Variants in ZBTB7C observed in about 807,000 individuals in gnomAD.
The protein encoded by ZBTB7C is zinc finger and BTB domain-containing protein 7C.
ZBTB7C carries 8 observed loss-of-function variants against 25.7 expected under a neutral mutation model. The ratio of observed to expected loss-of-function variants is 0.31; its 90% CI spans 0.18 to 0.56. ZBTB7C has a LOEUF of 0.56. Among genes scored for constraint, ZBTB7C ranks in the 20% least tolerant of loss-of-function variants. The pLI is 0.91. For synonymous variants in ZBTB7C, 394 were observed against 369.0 expected (o/e 1.07, Z -0.78); for missense variants, 824 against 855.2 (o/e 0.96, Z 0.46).
At position 48,027,365 on chromosome 18, in the gene ZBTB7C, T is replaced by G. The variant is rs2035558307; in HGVS notation, c.*1895A>C. 1 of 151,700 alleles carries G rather than the reference T, an allele frequency of 6.6e-6. No individual in the cohort carries two copies. The highest frequency in any genetic ancestry group is 2.4e-5 in the African/African-American group (1 of 41,300). 9.4% of individuals were successfully genotyped at this position (151,700 alleles called of 1,614,324 possible). A position where few individuals can be genotyped will look rare whatever the true frequency, so the allele number is the denominator to read the frequency against. Reference sequence around the variant, plus strand: ...ATTCCAATTTATTCATGTTTCCTTTTTTTTTTTTTTTCCTCTCTTTTAAAG... The same window carrying G: ...ATTCCAATTTATTCATGTTTCCTTTGTTTTTTTTTTTCCTCTCTTTTAAAG... On this transcript the variant is annotated 3_prime_UTR_variant, in exon 5 of 5. Coordinates refer to ENST00000590800, the MANE Select transcript of ZBTB7C (RefSeq NM_001318841.2).
chr18:48,211,736 G>C (rs1035580863), intron 2 of ZBTB7C, among the ~76,000 whole-genome samples: 1 of 152,126 alleles, frequency 6.6e-6, no homozygotes, highest in Non-Finnish European at 1.5e-5. Context: ...ATTCATTGTT[G>C]GTGGGGATGC....
At chr18:48,404,892 G>A (rs2048243200) in intron 1 of ZBTB7C, among the ~76,000 whole-genome samples, 1 of 152,166 alleles carries the variant, frequency 6.6e-6, no homozygotes, top group Admixed American at 6.5e-5. Flanking sequence ...GCCCTCAAAA[G>A]CTCCAGCATG....
At chr18:48,250,954 C>A (rs1599191076) in intron 2 of ZBTB7C, among the ~76,000 whole-genome samples, 1 of 152,154 alleles carries the variant, frequency 6.6e-6, no homozygotes, top group East Asian at 1.9e-4. Context: ...CCAGGCATAA[C>A]CTCTCATGCC....
chr18:48,113,848 T>C (rs143594167), intron 3 of ZBTB7C, among the ~76,000 whole-genome samples: 76 of 152,328 alleles, frequency 5.0e-4, no homozygotes, highest in African/African-American at 1.5e-3. Flanking sequence ...GGAAGCAGGC[T>C]ACACACTAGT....
chr18:48,172,603 A>G lies in ZBTB7C; in HGVS notation c.-17+13331T>C, dbSNP rs537072810. On this transcript the variant is annotated intron_variant, in intron 3 of 4. Coordinates refer to ENST00000590800, the MANE Select transcript of ZBTB7C (RefSeq NM_001318841.2). ...CGTTGCACACTTATTTTTCCCAAAC[A>G]CTTGACTGACGTGACCCACGGGGCC... Among the ~76,000 whole-genome samples, 26 of 152,324 alleles carry G rather than the reference A, an allele frequency of 1.7e-4. No homozygotes were observed. In the East Asian group the frequency reaches 4.8e-3, roughly 28 times the overall value.
At chr18:48,236,750 G>C (rs2043390285) in intron 2 of ZBTB7C, among the ~76,000 whole-genome samples, 1 of 152,200 alleles carries the variant, frequency 6.6e-6, no homozygotes, top group Non-Finnish European at 1.5e-5. Flanking sequence ...TGTTAAATAA[G>C]AGGATTTCAA....
intron 3 of ZBTB7C, among the ~76,000 whole-genome samples, chr18:48,141,146 A>T (rs5824735): frequency 6.1e-5 from 5 of 81,668 alleles, no homozygotes; most frequent in South Asian, 4.3e-4. Context: ...CCCCCGCACC[A>T]CCCCCCCCAC....
chr18:48,063,898 ATATAATT>A (rs1483827942), intron 3 of ZBTB7C, among the ~76,000 whole-genome samples: 7 of 151,610 alleles, frequency 4.6e-5, no homozygotes, highest in South Asian at 2.1e-4. Context: ...TTATAATTAT[ATATAATT>A]TATAATTGAT....
chr18:48,141,988 G>T (rs542483297), intron 3 of ZBTB7C, among the ~76,000 whole-genome samples: 1 of 152,168 alleles, frequency 6.6e-6, no homozygotes, highest in Non-Finnish European at 1.5e-5. Flanking sequence ...ATGCATTGCC[G>T]TTTAGCATTG....
intron 3 of ZBTB7C, among the ~76,000 whole-genome samples, chr18:48,047,768 A>G (rs576096832): frequency 4.4e-4 from 67 of 152,306 alleles, no homozygotes; most frequent in African/African-American, 8.7e-4. Context: ...AGCTTTTGCA[A>G]TAATAGCTAC....
intron 3 of ZBTB7C, among the ~76,000 whole-genome samples, chr18:48,157,963 T>C (rs899404200): frequency 6.6e-6 from 1 of 152,010 alleles, no homozygotes; most frequent in African/African-American, 2.4e-5. Flanking sequence ...AAAGAGGGAA[T>C]AGGGCTTGAG....
rs2035583357 is a variant in ZBTB7C, at chr18:48,028,087, A to C, written c.*1173T>G. On this transcript the variant is annotated 3_prime_UTR_variant, in exon 5 of 5. Coordinates refer to ENST00000590800, the MANE Select transcript of ZBTB7C (RefSeq NM_001318841.2). ...AAGGGGACCATCACTAGCAATGCCA[A>C]GGCCCTGAGGAACCCTCAACTCAAA... The C allele has an allele frequency of 6.6e-6, 1 of 152,260 alleles. No individual in the cohort carries two copies. The highest frequency in any genetic ancestry group is 2.4e-5 in the African/African-American group (1 of 41,462). The allele number at this position is 152,260 out of a possible 1,614,324, so 9.4% of individuals were successfully genotyped here.
At chr18:48,085,272 T>A (rs1415877884) in intron 3 of ZBTB7C, among the ~76,000 whole-genome samples, 1 of 151,302 alleles carries the variant, frequency 6.6e-6, no homozygotes, top group Non-Finnish European at 1.5e-5. Context: ...GAGAGGAGGG[T>A]GAGCAAGAGG....
chr18:48,362,122 T>C (rs1035926251), intron 1 of ZBTB7C, among the ~76,000 whole-genome samples: 2 of 152,178 alleles, frequency 1.3e-5, no homozygotes, highest in East Asian at 1.9e-4. Context: ...GCCATCTTTA[T>C]AGGCAGTCAA....
chr18:48,042,722 C>T (rs1263386708), intron 3 of ZBTB7C, among the ~76,000 whole-genome samples: 1 of 151,928 alleles, frequency 6.6e-6, no homozygotes, highest in African/African-American at 2.4e-5. Context: ...CTTCCCAGAG[C>T]TAAGGCCTCA....
intron 2 of ZBTB7C, among the ~76,000 whole-genome samples, chr18:48,311,756 G>A (rs1232612363): frequency 6.6e-6 from 1 of 152,202 alleles, no homozygotes; most frequent in Non-Finnish European, 1.5e-5. Flanking sequence ...ATGGCTGACA[G>A]TAAAGATATC....
At chr18:48,138,345 T>A (rs572662564) in intron 3 of ZBTB7C, among the ~76,000 whole-genome samples, 1 of 152,276 alleles carries the variant, frequency 6.6e-6, no homozygotes, top group African/African-American at 2.4e-5. Flanking sequence ...TGTTAGAGAT[T>A]CATTCCTTCT....
intron 2 of ZBTB7C, among the ~76,000 whole-genome samples, chr18:48,293,175 G>A (rs1210510639): frequency 6.6e-6 from 1 of 152,220 alleles, no homozygotes; most frequent in Non-Finnish European, 1.5e-5. Context: ...AACTAGAAAT[G>A]TATTGCTCCC....
At chr18:48,248,653 G>A (rs2043764060) in intron 2 of ZBTB7C, among the ~76,000 whole-genome samples, 1 of 152,062 alleles carries the variant, frequency 6.6e-6, no homozygotes, top group African/African-American at 2.4e-5. Context: ...CCAAGAAGAT[G>A]AAAATTTTAG....
Sources: allele counts gnomAD v4.1 joint callset (sites outside exome capture counted in the v4.1 genomes callset), GRCh38; gene constraint gnomAD v4.1.1; transcripts MANE v1.5; gene names NCBI Gene and HGNC (gene_info 2026-07-23, HGNC 2026-07-21).